Variants in COL4A2 observed in about 807,000 individuals in gnomAD.
COL4A2 encodes collagen type IV alpha 2 chain, also known as collagen alpha-2(IV) chain.
In COL4A2, 99 loss-of-function variants were observed where a neutral mutation model predicts 200.2. The ratio of observed to expected loss-of-function variants is 0.49; its 90% confidence interval spans 0.42 to 0.58. The LOEUF is 0.58. Among genes scored for constraint, COL4A2 ranks in the 20% least tolerant of loss-of-function variants. The probability of loss-of-function intolerance (pLI) is 0.00; values close to 1 mark genes in which losing one functional copy is unlikely to be tolerated. For missense variants in COL4A2, 1,950 were observed against 2,314.1 expected (o/e 0.84, Z 3.23); for synonymous variants, 897 against 900.6 (o/e 1.00, Z 0.07).
intron 4 of COL4A2, among the ~76,000 whole-genome samples, chr13:110,400,646 T>C (rs145763581): frequency 6.6e-4 from 101 of 152,306 alleles, no homozygotes; most frequent in African/African-American, 2.4e-3. Context: ...AATATTGTAA[T>C]CAATGAAACC....
intron 4 of COL4A2, among the ~76,000 whole-genome samples, chr13:110,371,950 GA>G (rs1172732865): frequency 6.6e-6 from 1 of 152,154 alleles, no homozygotes; most frequent in Non-Finnish European, 1.5e-5. Flanking sequence ...TCATGGAGGG[GA>G]AAGGAGGCAG....
chr13:110,380,825 G>A (rs1178333885), intron 4 of COL4A2, among the ~76,000 whole-genome samples: 14 of 133,572 alleles, frequency 1.0e-4, no homozygotes, highest in Non-Finnish European at 1.6e-4. Context: ...TCACACCCAC[G>A]TGCTCTATCT....
Position 110,428,516 on chromosome 13 carries a change from G to A in COL4A2, c.410G>A (p.Cys137Tyr), listed in dbSNP as rs1454056357. 30 of 1,585,690 alleles carry A rather than the reference G, an allele frequency of 1.9e-5. No homozygotes were observed. Among genetic ancestry groups the A allele is most frequent in the Non-Finnish European group, 2.5e-5 (29 of 1,170,080 alleles). Residue 137 changes from cysteine to tyrosine, a missense_variant, in exon 7 of 48, where the codon TGC (cysteine) becomes TAC (tyrosine). This residue lies in a region of COL4A2 where 565 missense variants were observed against 593.5 expected (regional missense o/e 0.95). Coordinates refer to ENST00000360467, the MANE Select transcript of COL4A2 (RefSeq NM_001846.4). The stretch of plus-strand genomic sequence containing the variant: ...AGGGGAAGGCCGGGCTACGATGGCT[G>A]CAACGGAACCCAGGGAGACTCAGGT... ...GPRGRPGYDG[C>Y]NGTQGDSGPQ... is the part of the protein sequence containing the mutation.
intron 28 of COL4A2, among the ~76,000 whole-genome samples, chr13:110,469,769 G>A (rs1882392509): frequency 6.6e-6 from 1 of 152,160 alleles, no homozygotes. Context: ...AACCAGCTCT[G>A]GTGAGGAGTA....
intron 39 of COL4A2, among the ~76,000 whole-genome samples, chr13:110,495,126 C>A (rs1187855017): frequency 6.6e-6 from 1 of 152,080 alleles, no homozygotes; most frequent in Non-Finnish European, 1.5e-5. Context: ...ATCCTCTTAT[C>A]CATAGAGCCA....
intron 26 of COL4A2, among the ~76,000 whole-genome samples, chr13:110,466,304 A>T (rs922490118): frequency 6.6e-6 from 1 of 152,194 alleles, no homozygotes; most frequent in Admixed American, 6.5e-5. Flanking sequence ...ACTGGAAAGC[A>T]CCAGTGCATT....
chr13:110,499,175 A>G (rs1737002844), intron 40 of COL4A2, among the ~76,000 whole-genome samples: 3 of 152,370 alleles, frequency 2.0e-5, no homozygotes, highest in South Asian at 2.1e-4. Flanking sequence ...CTTCCTTCGC[A>G]TGAGTTGCAT....
intron 40 of COL4A2, 45 bp downstream of exon 40, chr13:110,495,512 G>A: frequency 6.3e-7 from 1 of 1,595,502 alleles, no homozygotes; most frequent in East Asian, 2.2e-5. Context: ...CCAGTAACCA[G>A]AACCCACCCA....
At chr13:110,392,729 G>A (rs751027351) in intron 4 of COL4A2, among the ~76,000 whole-genome samples, 3 of 152,172 alleles carry the variant, frequency 2.0e-5, no homozygotes, top group Non-Finnish European at 4.4e-5. Flanking sequence ...AAGAATAATT[G>A]TTGGCCATTT....
At chr13:110,436,121 T>C in intron 12 of COL4A2, 148 bp from the exon 13 acceptor site, 1 of 1,165,704 alleles carries the variant, frequency 8.6e-7, no homozygotes, top group Non-Finnish European at 1.3e-6. Flanking sequence ...TACTCTATTT[T>C]GTGGTTATTA....
intron 20 of COL4A2, among the ~76,000 whole-genome samples, chr13:110,452,568 T>C (rs1881581678): frequency 6.6e-6 from 1 of 152,232 alleles, no homozygotes; most frequent in Non-Finnish European, 1.5e-5. Flanking sequence ...ATTTAAAAGG[T>C]AGTAGTCACT....
At chr13:110,359,802 A>G (rs1877439603) in intron 4 of COL4A2, among the ~76,000 whole-genome samples, 1 of 152,162 alleles carries the variant, frequency 6.6e-6, no homozygotes, top group Non-Finnish European at 1.5e-5. Context: ...ACTGATCATT[A>G]TTTCACTGTC....
Position 110,436,265 on chromosome 13 carries a change from G to T in COL4A2, c.727-4G>T, listed in dbSNP as rs778611463. On this transcript the variant is annotated splice_polypyrimidine_tract_variant and splice_region_variant and intron_variant, in intron 12 of 47. Transcript: ENST00000360467. ...GACAACTGCTTTTGCTTAACAATAT[G>T]CAGGGTGACGTAGGGCAGCCGGGAC... 6.2e-7 allele frequency: 1 copy of T among 1,613,770 alleles called. No individual in the cohort carries two copies. Among genetic ancestry groups the T allele is most frequent in the Middle Eastern group, 1.7e-4 (1 of 6,060 alleles).
At chr13:110,511,236 A>AG (rs956213156) in intron 47 of COL4A2, among the ~76,000 whole-genome samples, 1 of 91,826 alleles carries the variant, frequency 1.1e-5, no homozygotes, top group Admixed American at 1.6e-4. Context: ...CTTTAAAATG[A>AG]AAAAAAAAAA....
rs181715834 is a variant in COL4A2 at position 110,394,769 on chromosome 13, T to G, written c.181-29965T>G. Among the ~76,000 whole-genome samples the G allele has an allele frequency of 8.4e-4, 128 of 152,296 alleles. 1 individual carries two copies. Among genetic ancestry groups the G allele is most frequent in the African/African-American group, 2.9e-3 (122 of 41,560 alleles). Reference sequence around the variant, plus strand: ...TTTGCCTTTGCTAGAGTGAGATGCATTCCATCATGTAATACATCAAAACAT... The same window carrying G: ...TTTGCCTTTGCTAGAGTGAGATGCAGTCCATCATGTAATACATCAAAACAT... On this transcript the variant is annotated intron_variant, in intron 4 of 47. Transcript: ENST00000360467.
intron 4 of COL4A2, among the ~76,000 whole-genome samples, chr13:110,365,230 C>T (rs1449572682): frequency 6.6e-6 from 1 of 152,126 alleles, no homozygotes; most frequent in Non-Finnish European, 1.5e-5. Flanking sequence ...CAACCTCCAC[C>T]TCCTGGGTTC....
chr13:110,509,164 G>T (rs1883986905), intron 47 of COL4A2, among the ~76,000 whole-genome samples: 1 of 150,510 alleles, frequency 6.6e-6, no homozygotes, highest in Non-Finnish European at 1.5e-5. Context: ...GGGTCTTCCA[G>T]TGAGTTTATT....
At chr13:110,499,074 A>G (rs1175763065) in intron 40 of COL4A2, among the ~76,000 whole-genome samples, 1 of 152,216 alleles carries the variant, frequency 6.6e-6, no homozygotes, top group Non-Finnish European at 1.5e-5. Flanking sequence ...GGGAAAGACG[A>G]CCTTCCATGA....
At chr13:110,446,950 A>C in intron 18 of COL4A2, 86 bp downstream of exon 18, 1 of 1,089,388 alleles carries the variant, frequency 9.2e-7, no homozygotes, top group Non-Finnish European at 1.3e-6. Flanking sequence ...CTTTCAAGAC[A>C]GATATTCTAA....
Sources: gnomAD v4.1 joint callset for allele counts (sites outside exome capture counted in the v4.1 genomes callset) on GRCh38, gnomAD v4.1.1 for gene constraint, gnomAD v4.1.1 regional missense constraint, MANE v1.5 for transcripts, NCBI Gene and HGNC (gene_info 2026-07-23, HGNC 2026-07-21) for gene names.